The following ATXN10 variants were observed in gnomAD, a reference collection of about 807,000 sequenced individuals.
ATXN10 encodes ataxin 10, also known as ataxin-10.
ATXN10 carries 28 observed loss-of-function variants against 52.9 expected under a neutral mutation model. That is an observed-to-expected ratio of 0.53 (90% CI 0.39 to 0.73). The LOEUF (loss-of-function observed/expected upper bound fraction) is 0.73, where lower values mean the gene tolerates loss of function less well. Ranked by LOEUF, ATXN10 falls within the 30% of genes least tolerant of loss-of-function variation. The pLI is 0.00. For synonymous variants in ATXN10, 226 were observed against 221.5 expected (o/e 1.02, Z -0.18); for missense variants, 565 against 577.0 (o/e 0.98, Z 0.21).
At chr22:45,798,001 G>A (rs1927804241) in intron 9 of ATXN10, among the ~76,000 whole-genome samples, 1 of 152,094 alleles carries the variant, frequency 6.6e-6, no homozygotes, top group Non-Finnish European at 1.5e-5. Context: ...CTGAATAAAG[G>A]ATAAATATTT....
At chr22:45,742,767 T>TG (rs1266571299) in intron 9 of ATXN10, among the ~76,000 whole-genome samples, 1 of 152,222 alleles carries the variant, frequency 6.6e-6, no homozygotes, top group African/African-American at 2.4e-5. Context: ...CTAGACAACT[T>TG]GCACTTTTAG....
Position 45,773,313 on chromosome 22 carries a change from TG to T in ATXN10, c.1173+32776del, listed in dbSNP as rs543625725. ...AAGTTTTATTTCTTCTTTTCCAATT[TG>T]TATGCCTTTTATTGCCATTTTATGT... On this transcript the variant is annotated intron_variant, in intron 9 of 11. Coordinates refer to ENST00000252934, the MANE Select transcript of ATXN10 (RefSeq NM_013236.4). Among the ~76,000 whole-genome samples, 396 of 152,302 alleles carry T rather than the reference TG, an allele frequency of 2.6e-3. 2 individuals are homozygous for T. Among genetic ancestry groups the T allele is most frequent in the Non-Finnish European group, 4.6e-3 (314 of 68,022 alleles).
intron 6 of ATXN10, among the ~76,000 whole-genome samples, chr22:45,723,080 T>A (rs1924721120): frequency 6.6e-6 from 1 of 152,148 alleles, no homozygotes; most frequent in Admixed American, 6.6e-5. Flanking sequence ...GAGTACGCAT[T>A]TGGGCCACGT....
chr22:45,829,998 G>A (rs1205313008), intron 10 of ATXN10, among the ~76,000 whole-genome samples: 1 of 152,182 alleles, frequency 6.6e-6, no homozygotes, highest in African/African-American at 2.4e-5. Flanking sequence ...TCAAAACAAT[G>A]TGGTACTGAC....
Position 45,835,113 on chromosome 22 carries a change from G to A in ATXN10, c.1238-7878G>A, listed in dbSNP as rs1221049954. Among the ~76,000 whole-genome samples the A allele has an allele frequency of 1.3e-5, 2 of 152,150 alleles. No individual in the cohort carries two copies. Among genetic ancestry groups the A allele is most frequent in the Admixed American group, 6.5e-5 (1 of 15,284 alleles). ...CAGGATCCTTCACCGCCAAAACCCC[G>A]TGAATGTGAGGTACCTGTGAGCGCG... On this transcript the variant is annotated intron_variant, in intron 10 of 11. Transcript: ENST00000252934. The surrounding 1 kb of genome is among the most constrained non-coding windows in gnomAD (Gnocchi z 5.0).
chr22:45,748,111 C>T (rs1925806000), intron 9 of ATXN10, among the ~76,000 whole-genome samples: 1 of 151,392 alleles, frequency 6.6e-6, no homozygotes, highest in Non-Finnish European at 1.5e-5. Flanking sequence ...CTCAGTAGGT[C>T]GAGGCTACAG....
chr22:45,732,351 G>C lies in ATXN10; in HGVS notation c.894+2761G>C, dbSNP rs559066720. On this transcript the variant is annotated intron_variant, in intron 7 of 11. Coordinates refer to ENST00000252934, the MANE Select transcript of ATXN10 (RefSeq NM_013236.4). The surrounding 1 kb of genome is among the most constrained non-coding windows in gnomAD (Gnocchi z 4.5). ...GTGTGTGCCTGTGTTCCTAGCCACC[G>C]GTGAGGCTGAGGTGGGAGGCTTGCC... Among the ~76,000 whole-genome samples, 1 of 152,010 alleles carries C rather than the reference G, an allele frequency of 6.6e-6. No homozygotes were observed. Among genetic ancestry groups the C allele is most frequent in the African/African-American group, 2.4e-5 (1 of 41,514 alleles).
intron 1 of ATXN10, among the ~76,000 whole-genome samples, chr22:45,682,657 A>G (rs747720122): frequency 6.6e-6 from 1 of 152,090 alleles, no homozygotes; most frequent in Non-Finnish European, 1.5e-5. Flanking sequence ...TCACCTGACT[A>G]CTTCACATTC....
At chr22:45,703,083 G>A (rs1402188943) in intron 5 of ATXN10, among the ~76,000 whole-genome samples, 3 of 152,212 alleles carry the variant, frequency 2.0e-5, no homozygotes, top group African/African-American at 7.2e-5. Flanking sequence ...TTAAGGTGGT[G>A]AGGAGCGGGA....
chr22:45,771,715 C>A (rs1926786233), intron 9 of ATXN10, among the ~76,000 whole-genome samples: 1 of 152,090 alleles, frequency 6.6e-6, no homozygotes, highest in African/African-American at 2.4e-5. Context: ...CTGTGCCCGG[C>A]CTGAGTCTTT....
intron 10 of ATXN10, among the ~76,000 whole-genome samples, chr22:45,830,522 C>T (rs1222165085): frequency 2.0e-5 from 3 of 151,912 alleles, no homozygotes; most frequent in Non-Finnish European, 4.4e-5. Context: ...ATAAAACAAC[C>T]TCATTCAAAA....
At chr22:45,806,930 G>A (rs747511769) in intron 9 of ATXN10, 29 bp from the exon 10 acceptor site, 3 of 1,567,572 alleles carry the variant, frequency 1.9e-6, no homozygotes, top group African/African-American at 2.7e-5. Flanking sequence ...GCTGTTTTCA[G>A]TGTATAAACT....
rs371149956 is a variant in ATXN10, at chr22:45,681,729, C to T, written c.117-7983C>T. 2.6e-5 allele frequency among the ~76,000 whole-genome samples: 4 copies of T among 152,174 alleles called. No individual in the cohort carries two copies. The East Asian group carries it at 5.8e-4, about 22-fold the overall frequency. ...CTTTAACTTGCTGATCACTAACTAA[C>T]GTGGCCCTTAATGCTACCTGTCAGT... On this transcript the variant is annotated intron_variant, in intron 1 of 11. Coordinates refer to ENST00000252934, the MANE Select transcript of ATXN10 (RefSeq NM_013236.4). This position sits in a 1 kb window ranked among gnomAD's most constrained non-coding sequence, Gnocchi z 4.2.
rs1454986863 is a variant in ATXN10 at position 45,828,753 on chromosome 22, A to C, written c.1238-14238A>C. ...ACTATAAGTTACTAGTTATAGTAAG[A>C]CAATTAAATCAGCAATGAAAAATCT... On this transcript the variant is annotated intron_variant, in intron 10 of 11. Coordinates refer to ENST00000252934, the MANE Select transcript of ATXN10 (RefSeq NM_013236.4). The surrounding 1 kb of genome is among the most constrained non-coding windows in gnomAD (Gnocchi z 4.5). Among the ~76,000 whole-genome samples, 1 of 152,216 alleles carries C rather than the reference A, an allele frequency of 6.6e-6. No individual in the cohort carries two copies. The highest frequency in any genetic ancestry group is 6.5e-5 in the Admixed American group (1 of 15,288).
At chr22:45,707,067 T>C (rs58906020) in intron 5 of ATXN10, among the ~76,000 whole-genome samples, 1 of 152,354 alleles carries the variant, frequency 6.6e-6, no homozygotes, top group East Asian at 1.9e-4. Flanking sequence ...ATTATTGTTA[T>C]ACCTTCTTGA....
At chr22:45,829,880 T>C (rs1445434336) in intron 10 of ATXN10, among the ~76,000 whole-genome samples, 1 of 152,152 alleles carries the variant, frequency 6.6e-6, no homozygotes, top group African/African-American at 2.4e-5. Flanking sequence ...ATTCCAAACT[T>C]CATATGGAAT....
chr22:45,698,738 A>G (rs926213458), intron 3 of ATXN10, among the ~76,000 whole-genome samples: 3 of 152,244 alleles, frequency 2.0e-5, no homozygotes, highest in Non-Finnish European at 4.4e-5. Flanking sequence ...ATTTCTCATC[A>G]CCTTGAAAAC....
At chr22:45,791,966 T>C (rs559441065) in intron 9 of ATXN10, among the ~76,000 whole-genome samples, 2 of 152,332 alleles carry the variant, frequency 1.3e-5, no homozygotes, top group African/African-American at 2.4e-5. Flanking sequence ...TTTTGTTCTT[T>C]TAATATTTTT....
chr22:45,767,221 T>C (rs1278882905), intron 9 of ATXN10, among the ~76,000 whole-genome samples: 9 of 152,194 alleles, frequency 5.9e-5, no homozygotes. Context: ...GGATTTCTGG[T>C]ATGTCCATGT....
Sources: gnomAD v4.1 joint callset for allele counts (sites outside exome capture counted in the v4.1 genomes callset) on GRCh38, gnomAD v4.1.1 for gene constraint, Gnocchi (gnomAD v3.1) non-coding constraint, MANE v1.5 for transcripts, NCBI Gene and HGNC (gene_info 2026-07-23, HGNC 2026-07-21) for gene names.